The following SLCO3A1 variants were observed in gnomAD, a reference collection of about 807,000 sequenced individuals.
SLCO3A1 encodes PGE1 transporter.
SLCO3A1 carries 27 observed loss-of-function variants against 63.1 expected under a neutral mutation model. The ratio of observed to expected loss-of-function variants is 0.43; its 90% CI spans 0.32 to 0.59. The LOEUF is 0.59. SLCO3A1 is among the 20% of genes least tolerant of loss of function. SLCO3A1 has a pLI of 0.09. For synonymous variants in SLCO3A1, 473 were observed against 409.9 expected, an observed-to-expected ratio of 1.15 and a Z score of -1.86; for missense variants, 773 against 945.8, an observed-to-expected ratio of 0.82 and a Z score of 2.40.
intron 2 of SLCO3A1, among the ~76,000 whole-genome samples, chr15:91,920,276 A>G (rs1264710441): frequency 2.0e-5 from 3 of 152,138 alleles, no homozygotes; most frequent in Non-Finnish European, 4.4e-5. Context: ...ATGGGAGCTC[A>G]AGGGTGGTGC....
intron 2 of SLCO3A1, among the ~76,000 whole-genome samples, chr15:92,040,361 G>C (rs1394452782): frequency 6.6e-6 from 1 of 152,148 alleles, no homozygotes; most frequent in Non-Finnish European, 1.5e-5. Flanking sequence ...TCAGTTCTTT[G>C]AATGTTTCAG....
chr15:92,053,252 T>C (rs1471326862), intron 2 of SLCO3A1, among the ~76,000 whole-genome samples: 4 of 152,182 alleles, frequency 2.6e-5, no homozygotes, highest in Non-Finnish European at 5.9e-5. Context: ...AGCAGGACTG[T>C]GCTTCCAGAT....
chr15:92,049,857 G>A (rs755153233), intron 2 of SLCO3A1, among the ~76,000 whole-genome samples: 1 of 152,124 alleles, frequency 6.6e-6, no homozygotes, highest in Admixed American at 6.5e-5. Context: ...AAGAAGACTC[G>A]ACAGCTTTGT....
chr15:92,064,290 A>G (rs1017114362), intron 2 of SLCO3A1, among the ~76,000 whole-genome samples: 1 of 152,074 alleles, frequency 6.6e-6, no homozygotes, highest in Non-Finnish European at 1.5e-5. Flanking sequence ...CCAATTACTT[A>G]GTTTTTTTTG....
chr15:92,070,694 AT>A (rs771751976), intron 2 of SLCO3A1, among the ~76,000 whole-genome samples: 5 of 147,568 alleles, frequency 3.4e-5, no homozygotes, highest in Non-Finnish European at 7.5e-5. Flanking sequence ...GATATTCGGG[AT>A]TTGCTTTAAC....
rs773498577 is a variant in SLCO3A1 at position 92,109,988 on chromosome 15, A to G, written c.1009+5446A>G. Reference sequence around the variant, plus strand: ...TCTTTCCCGTTTCCTGTAAGGGTTCACTAAATTGTTCATAAACTGACGAAA... The same window carrying G: ...TCTTTCCCGTTTCCTGTAAGGGTTCGCTAAATTGTTCATAAACTGACGAAA... On this transcript the variant is annotated intron_variant, in intron 4 of 9. Coordinates refer to ENST00000318445, the MANE Select transcript of SLCO3A1 (RefSeq NM_013272.4). 2.3e-3 allele frequency among the ~76,000 whole-genome samples: 349 copies of G among 152,136 alleles called. 1 individual carries two copies. Among genetic ancestry groups the G allele is most frequent in the Non-Finnish European group, 3.5e-3 (240 of 67,988 alleles).
intron 2 of SLCO3A1, among the ~76,000 whole-genome samples, chr15:91,976,199 T>A (rs995236006): frequency 6.6e-6 from 1 of 152,188 alleles, no homozygotes; most frequent in Non-Finnish European, 1.5e-5. Flanking sequence ...GGGGAGAAGA[T>A]AGATGGAAGC....
In SLCO3A1 at chr15:91,885,235, A is replaced by C. The variant is rs1897693846; in HGVS notation, c.181-30758A>C. 6.6e-6 allele frequency among the ~76,000 whole-genome samples: 1 copy of C among 151,766 alleles called. No individual in the cohort carries two copies. Among genetic ancestry groups the C allele is most frequent in the African/African-American group, 2.4e-5 (1 of 41,304 alleles). ...TCTCCACGCCCAGTAACGAAGCCCC[A>C]CCCCTGGCTGGGCCTTTTCTCACCA... On this transcript the variant is annotated intron_variant, in intron 1 of 9. Coordinates refer to ENST00000318445, the MANE Select transcript of SLCO3A1 (RefSeq NM_013272.4). The surrounding 1 kb of genome is among the most constrained non-coding windows in gnomAD (Gnocchi z 4.7).
rs969599257 is a variant in SLCO3A1 at position 91,872,431 on chromosome 15, C to T, written c.180+18343C>T. ...CCTGTAATCCCAGCTACTCGGCGGG[C>T]TGAGGTAGGAGAATCACTTGAACCC... On this transcript the variant is annotated intron_variant, in intron 1 of 9. Coordinates refer to ENST00000318445, the MANE Select transcript of SLCO3A1 (RefSeq NM_013272.4). This position sits in a 1 kb window ranked among gnomAD's most constrained non-coding sequence, Gnocchi z 4.1. Among the ~76,000 whole-genome samples, 7 of 151,890 alleles carry T rather than the reference C, an allele frequency of 4.6e-5. No homozygotes were observed. The highest frequency in any genetic ancestry group is 1.7e-4 in the African/African-American group (7 of 41,342).
intron 2 of SLCO3A1, among the ~76,000 whole-genome samples, chr15:92,034,488 G>A (rs949744230): frequency 6.6e-6 from 1 of 151,582 alleles, no homozygotes; most frequent in African/African-American, 2.4e-5. Flanking sequence ...CTGCGAGGCT[G>A]GGCGAGATGG....
chr15:91,893,778 A>G (rs1294468593), intron 1 of SLCO3A1, among the ~76,000 whole-genome samples: 1 of 152,188 alleles, frequency 6.6e-6, no homozygotes, highest in Non-Finnish European at 1.5e-5. Context: ...CTATTTATCC[A>G]TCTATCCATC....
intron 4 of SLCO3A1, 34 bp from the exon 5 acceptor site, chr15:92,120,431 T>C: frequency 1.2e-6 from 2 of 1,608,114 alleles, no homozygotes; most frequent in Non-Finnish European, 1.7e-6. Context: ...GGTGTGACCT[T>C]GACCCTGACC....
chr15:91,883,883 T>C lies in SLCO3A1; in HGVS notation c.180+29795T>C, dbSNP rs577199886. 5.3e-5 allele frequency among the ~76,000 whole-genome samples: 8 copies of C among 152,270 alleles called. No homozygotes were observed. The highest frequency in any genetic ancestry group is 1.0e-4 in the Non-Finnish European group (7 of 68,008). On this transcript the variant is annotated intron_variant, in intron 1 of 9. Transcript: ENST00000318445. This position sits in a 1 kb window ranked among gnomAD's most constrained non-coding sequence, Gnocchi z 4.8. ...TGCATTTCTTCTGCTGTCCTTTTCA[T>C]CCTCACACTGAGATGCTTGCAGAAA...
chr15:92,133,051 T>C (rs1431913955), intron 7 of SLCO3A1, among the ~76,000 whole-genome samples: 1 of 145,890 alleles, frequency 6.9e-6, no homozygotes, highest in South Asian at 2.2e-4. Flanking sequence ...ACTGTTGACA[T>C]TTTGGGCCAG....
At chr15:92,087,837 T>C (rs1301764861) in intron 2 of SLCO3A1, among the ~76,000 whole-genome samples, 2 of 152,174 alleles carry the variant, frequency 1.3e-5, no homozygotes, top group African/African-American at 4.8e-5. Context: ...TATTATCTTA[T>C]ATCAGTAATA....
intron 2 of SLCO3A1, among the ~76,000 whole-genome samples, chr15:92,043,091 C>A (rs2046818638): frequency 6.6e-6 from 1 of 151,910 alleles, no homozygotes; most frequent in South Asian, 2.1e-4. Flanking sequence ...AGTCATTTGG[C>A]CCAGTTGTTT....
At chr15:92,115,374 C>A (rs1486066468) in intron 4 of SLCO3A1, among the ~76,000 whole-genome samples, 1 of 152,148 alleles carries the variant, frequency 6.6e-6, no homozygotes, top group African/African-American at 2.4e-5. Flanking sequence ...CACCAAGCAG[C>A]GCACACAGAT....
chr15:92,096,989 C>T (rs1453334847), intron 3 of SLCO3A1, among the ~76,000 whole-genome samples: 1 of 152,140 alleles, frequency 6.6e-6, no homozygotes, highest in Admixed American at 6.5e-5. Flanking sequence ...TATAGACAGG[C>T]CAGCTTCCAC....
chr15:92,107,655 T>C (rs2047682074), intron 4 of SLCO3A1, among the ~76,000 whole-genome samples: 1 of 152,234 alleles, frequency 6.6e-6, no homozygotes. Context: ...CCAAATGGGT[T>C]TCTTCTTTGG....
Sources: gnomAD v4.1 joint callset for allele counts (sites outside exome capture counted in the v4.1 genomes callset) on GRCh38, gnomAD v4.1.1 for gene constraint, Gnocchi (gnomAD v3.1) non-coding constraint, MANE v1.5 for transcripts, NCBI Gene and HGNC (gene_info 2026-07-23, HGNC 2026-07-21) for gene names.